DIAPH1: variants seen among roughly 807,000 people sequenced by gnomAD.
DIAPH1 encodes diaphanous related formin 1, also known as protein diaphanous homolog 1.
A neutral mutation model predicts 140.7 loss-of-function variants in DIAPH1; 46 were observed. The observed-to-expected ratio is 0.33, with a 90% CI of 0.26 to 0.42. The LOEUF (loss-of-function observed/expected upper bound fraction) is 0.42, where lower values mean the gene tolerates loss of function less well. DIAPH1 is among the 10% of genes least tolerant of loss of function. DIAPH1 has a pLI of 1.00. For missense variants in DIAPH1, 1,310 were observed against 1,558.7 expected (o/e 0.84, Z 2.69); for synonymous variants, 565 against 551.6 (o/e 1.02, Z -0.34).
At chr5:141,564,900 C>T (rs1310282274) in intron 18 of DIAPH1, 1 of 152,156 alleles carries the variant, frequency 6.6e-6, no homozygotes, top group Non-Finnish European at 1.5e-5. Context: ...CAGACTAAAA[C>T]AACATATCAC....
chr5:141,544,698 T>A (rs888467294), intron 18 of DIAPH1, among the ~76,000 whole-genome samples: 1 of 152,202 alleles, frequency 6.6e-6, no homozygotes, highest in Non-Finnish European at 1.5e-5. Context: ...GTCTAACCTT[T>A]TAAAATCACT....
chr5:141,534,234 C>CA, intron 19 of DIAPH1, 101 bp downstream of exon 19: 1 of 932,662 alleles, frequency 1.1e-6, no homozygotes. Flanking sequence ...AGGAATTGAA[C>CA]AATTAAAGTT....
intron 26 of DIAPH1, among the ~76,000 whole-genome samples, chr5:141,524,973 G>T: frequency 6.6e-6 from 1 of 152,020 alleles, no homozygotes; most frequent in East Asian, 1.9e-4. Context: ...CTGGAAACTG[G>T]GCAAGGTCCA....
At chr5:141,585,896 G>T (rs2099897474) in intron 3 of DIAPH1, among the ~76,000 whole-genome samples, 1 of 152,120 alleles carries the variant, frequency 6.6e-6, no homozygotes, top group African/African-American at 2.4e-5. Context: ...GACCTAATTG[G>T]GGAAATTCAA....
rs2099885561 is a variant in DIAPH1 at position 141,515,618 on chromosome 5, CCCAGAATGT to C, written c.*1224_*1232del. ...TGAAGGCACTCCTGGTGCCCAGTTC[CCCAGAATGT>C]CCAGTTAGCATCTGCACATTTGGCT... On this transcript the variant is annotated 3_prime_UTR_variant, in exon 28 of 28. Transcript: ENST00000389054. 1 of 152,192 alleles carries C rather than the reference CCCAGAATGT, an allele frequency of 6.6e-6. No homozygotes were observed. Among genetic ancestry groups the C allele is most frequent in the Non-Finnish European group, 1.5e-5 (1 of 68,042 alleles). 9.4% of individuals were successfully genotyped at this position (152,192 alleles called of 1,614,324 possible).
intron 20 of DIAPH1, 102 bp from the exon 21 acceptor site, chr5:141,529,375 C>T: frequency 9.5e-7 from 1 of 1,048,320 alleles, no homozygotes; most frequent in South Asian, 1.3e-5. Flanking sequence ...GCTCAAGGAC[C>T]ATACAGAAAG....
At chr5:141,532,363 T>C (rs2099888366) in intron 19 of DIAPH1, among the ~76,000 whole-genome samples, 1 of 152,128 alleles carries the variant, frequency 6.6e-6, no homozygotes, top group Non-Finnish European at 1.5e-5. Context: ...GAGACAGGGG[T>C]CTTGCTTTGT....
chr5:141,555,866 TG>T (rs936763282), intron 18 of DIAPH1, among the ~76,000 whole-genome samples: 1 of 152,196 alleles, frequency 6.6e-6, no homozygotes, highest in Non-Finnish European at 1.5e-5. Flanking sequence ...CTAAACCTTT[TG>T]CTAGTGGGAA....
At chr5:141,555,343 A>G (rs2099892400) in intron 18 of DIAPH1, among the ~76,000 whole-genome samples, 1 of 152,226 alleles carries the variant, frequency 6.6e-6, no homozygotes, top group Admixed American at 6.5e-5. Context: ...ATATCCTTAG[A>G]CAGGTAGGCC....
At chr5:141,614,334 T>C (rs574337782) in intron 1 of DIAPH1, among the ~76,000 whole-genome samples, 1 of 152,284 alleles carries the variant, frequency 6.6e-6, no homozygotes, top group African/African-American at 2.4e-5. Flanking sequence ...TTTAAATCTC[T>C]ATTACATTTC....
rs76713946 is a variant in DIAPH1 at position 141,607,062 on chromosome 5, A to C, written c.117+11736T>G. 4.0e-3 allele frequency among the ~76,000 whole-genome samples: 615 copies of C among 152,236 alleles called. 2 individuals carry two copies. Among genetic ancestry groups the C allele is most frequent in the Non-Finnish European group, 7.4e-3 (506 of 68,008 alleles). ...AATATAAAATACATAAAGGATATTA[A>C]CTAACATGAGCTAAATACTACCACT... On this transcript the variant is annotated intron_variant, in intron 1 of 27. Coordinates refer to ENST00000389054, the MANE Select transcript of DIAPH1 (RefSeq NM_005219.5).
At chr5:141,544,399 T>C (rs59950386) in intron 18 of DIAPH1, among the ~76,000 whole-genome samples, 20,447 of 152,006 alleles carry the variant, frequency 0.13, 1,366 homozygotes, top group South Asian at 0.17. Context: ...AATTAAAAAC[T>C]TCTGTTCTTT....
chr5:141,618,957 C>G lies in DIAPH1; in HGVS notation c.-43G>C, dbSNP rs888118814. Reference sequence around the variant, plus strand: ...CCGGCGACCCCGCGCCTACGCCGCTCCCGCCTGGCAGCTCCGCGCCCGCCG... The same window carrying G: ...CCGGCGACCCCGCGCCTACGCCGCTGCCGCCTGGCAGCTCCGCGCCCGCCG... On this transcript the variant is annotated 5_prime_UTR_variant, in exon 1 of 28. Coordinates refer to ENST00000389054, the MANE Select transcript of DIAPH1 (RefSeq NM_005219.5). 1.6e-6 allele frequency: 2 copies of G among 1,217,408 alleles called. No homozygotes were observed. The highest frequency in any genetic ancestry group is 1.7e-5 in the South Asian group (1 of 60,306). 75.4% of individuals were successfully genotyped at this position (1,217,408 alleles called of 1,614,324 possible).
intron 2 of DIAPH1, among the ~76,000 whole-genome samples, chr5:141,587,887 GA>G (rs2099897775): frequency 6.6e-6 from 1 of 152,148 alleles, no homozygotes; most frequent in African/African-American, 2.4e-5. Flanking sequence ...AAATCAACAA[GA>G]GTCACCAATA....
intron 7 of DIAPH1, 93 bp downstream of exon 7, chr5:141,582,219 C>T (rs1365554033): frequency 2.2e-6 from 2 of 902,454 alleles, no homozygotes; most frequent in African/African-American, 3.3e-5. Context: ...AAGTCCTGAA[C>T]CTCATATTCC....
chr5:141,575,255 A>C (rs1010290798), intron 14 of DIAPH1, 109 bp from the exon 15 acceptor site: 24 of 1,113,506 alleles, frequency 2.2e-5, no homozygotes, highest in Non-Finnish European at 3.1e-5. Flanking sequence ...GGGGTGCTGG[A>C]ATCCCCCCAC....
intron 12 of DIAPH1, among the ~76,000 whole-genome samples, chr5:141,577,190 A>AT (rs1357393551): frequency 6.6e-6 from 1 of 152,220 alleles, no homozygotes; most frequent in East Asian, 1.9e-4. Flanking sequence ...ACTAGAAAGA[A>AT]TTTTAAATTG....
intron 14 of DIAPH1, among the ~76,000 whole-genome samples, chr5:141,575,882 AG>A (rs946315526): frequency 5.3e-5 from 8 of 152,210 alleles, no homozygotes; most frequent in African/African-American, 1.9e-4. Flanking sequence ...GACATCCTCT[AG>A]TTCTATTGCT....
intron 18 of DIAPH1, among the ~76,000 whole-genome samples, chr5:141,535,430 C>A (rs529445338): frequency 6.6e-6 from 1 of 152,330 alleles, no homozygotes; most frequent in Non-Finnish European, 1.5e-5. Context: ...CTTTGATAAA[C>A]TTATTTTCAT....
Sources: allele counts gnomAD v4.1 joint callset (sites outside exome capture counted in the v4.1 genomes callset), GRCh38; gene constraint gnomAD v4.1.1; transcripts MANE v1.5; gene names NCBI Gene and HGNC (gene_info 2026-07-23, HGNC 2026-07-21).